The following ZNF324B variants were observed in gnomAD, a reference collection of about 807,000 sequenced individuals.
The protein encoded by ZNF324B is zinc finger protein 324B.
ZNF324B carries 7 observed loss-of-function variants against 10.6 expected under a neutral mutation model. The ratio of observed to expected loss-of-function variants is 0.66; its 90% CI spans 0.38 to 1.24. The LOEUF (loss-of-function observed/expected upper bound fraction) is 1.24. ZNF324B is among the 50% of genes most tolerant of loss of function. The pLI is 0.02. For missense variants in ZNF324B, 640 were observed against 764.7 expected (o/e 0.84, Z 1.92); for synonymous variants, 316 against 321.0 (o/e 0.98, Z 0.17).
upstream of ZNF324B, among the ~76,000 whole-genome samples, chr19:58,446,887 T>C (rs2052830363): frequency 6.6e-6 from 1 of 151,490 alleles, no homozygotes; most frequent in Non-Finnish European, 1.5e-5. Flanking sequence ...TCTCCTTTTG[T>C]CTTTTCTTTT....
In ZNF324B at chr19:58,457,768, T is replaced by C. The variant is rs1232168048; in HGVS notation, c.*1189T>C. The C allele has an allele frequency of 6.6e-6, 1 of 152,092 alleles. No homozygotes were observed. The highest frequency in any genetic ancestry group is 1.9e-4 in the East Asian group (1 of 5,184). 9.4% of individuals were successfully genotyped at this position (152,092 alleles called of 1,614,324 possible). On this transcript the variant is annotated 3_prime_UTR_variant, in exon 4 of 4. Coordinates refer to ENST00000336614, the MANE Select transcript of ZNF324B (RefSeq NM_207395.3). ...TGAGACCTCACCTCCAAGAAATTAATGGTCTTTTCAATGGAGAAAAAAAAA... is the reference window on the plus strand; with the variant it reads ...TGAGACCTCACCTCCAAGAAATTAACGGTCTTTTCAATGGAGAAAAAAAAA...
chr19:58,420,482 A>C, the ZNF324B span, among the ~76,000 whole-genome samples: 1 of 151,062 alleles, frequency 6.6e-6, no homozygotes, highest in Non-Finnish European at 1.5e-5. Flanking sequence ...TAATGCCAGC[A>C]CTCTGGGATA....
At chr19:58,441,040 C>T in the ZNF324B span, 1 of 152,522 alleles carries the variant, frequency 6.6e-6, no homozygotes, top group Admixed American at 6.5e-5. Context: ...TTTGTTGAGA[C>T]GTGGAGGGTA....
At chr19:58,429,350 C>G in the ZNF324B span, 10 of 152,158 alleles carry the variant, frequency 6.6e-5, no homozygotes, top group East Asian at 1.7e-3. Context: ...TAGATGCAAA[C>G]AATGTCCATG....
chr19:58,426,577 T>C, the ZNF324B span, among the ~76,000 whole-genome samples: 6 of 152,294 alleles, frequency 3.9e-5, no homozygotes, highest in Admixed American at 3.9e-4. Flanking sequence ...AATCTGCTGC[T>C]CTTCAGATTT....
rs1051689833 is a variant in ZNF324B at position 58,456,659 on chromosome 19, T to G, written c.*80T>G. 2 of 1,482,850 alleles carry G rather than the reference T, an allele frequency of 1.3e-6. No homozygotes were observed. The highest frequency in any genetic ancestry group is 1.3e-5 in the South Asian group (1 of 76,890). The allele number at this position is 1,482,850 out of a possible 1,614,324, so 91.9% of individuals were successfully genotyped here. ...CTAAAGGGTCCGAGTGCTCTTCAGA[T>G]CCACGATGGGGAAAAGCTCTGTGCC... On this transcript the variant is annotated 3_prime_UTR_variant, in exon 4 of 4. Coordinates refer to ENST00000336614, the MANE Select transcript of ZNF324B (RefSeq NM_207395.3). This position sits in a 1 kb window ranked among gnomAD's most constrained non-coding sequence, Gnocchi z 4.7.
the ZNF324B span, among the ~76,000 whole-genome samples, chr19:58,424,573 G>A: frequency 1.3e-5 from 2 of 152,248 alleles, no homozygotes; most frequent in African/African-American, 2.4e-5. Flanking sequence ...AAATGAAAAA[G>A]ACAAACATAC....
At chr19:58,454,137 G>T (rs1170343100) in intron 2 of ZNF324B, 91 bp from the exon 3 acceptor site, 6 of 854,764 alleles carry the variant, frequency 7.0e-6, no homozygotes, top group Non-Finnish European at 1.2e-5. Context: ...ACAGATTACT[G>T]TCTATTTCCA....
chr19:58,420,500 G>A, the ZNF324B span, among the ~76,000 whole-genome samples: 1 of 145,626 alleles, frequency 6.9e-6, no homozygotes, highest in African/African-American at 2.6e-5. Context: ...ATACTGAGGT[G>A]GGAGGATCGC....
chr19:58,444,777 A>C, the ZNF324B span: 1 of 152,300 alleles, frequency 6.6e-6, no homozygotes, highest in East Asian at 1.9e-4. Context: ...TTGCAAGTGT[A>C]TTATGAGCAT....
At chr19:58,446,059 T>G in the ZNF324B span, among the ~76,000 whole-genome samples, 1 of 152,176 alleles carries the variant, frequency 6.6e-6, no homozygotes, top group Non-Finnish European at 1.5e-5. Context: ...CACTTGATCC[T>G]GGAAGGCGGA....
Position 58,455,144 on chromosome 19 carries a change from C to A in ZNF324B, c.239-39C>A, listed in dbSNP as rs777857043. On this transcript the variant is annotated intron_variant, in intron 3 of 3. Coordinates refer to ENST00000336614, the MANE Select transcript of ZNF324B (RefSeq NM_207395.3). The surrounding 1 kb of genome is among the most constrained non-coding windows in gnomAD (Gnocchi z 7.0). ...TCAGCCTGCCCTGGTCCTCTCCTAA[C>A]CAGGATGCCCCAGGCAACCACCGTT... The A allele has an allele frequency of 1.5e-4, 236 of 1,612,996 alleles. No individual in the cohort carries two copies. The highest frequency in any genetic ancestry group is 1.9e-4 in the Non-Finnish European group (219 of 1,179,528).
Position 58,454,567 on chromosome 19 carries a change from G to A in ZNF324B, c.238+223G>A, listed in dbSNP as rs997167868. On this transcript the variant is annotated intron_variant, in intron 3 of 3. Transcript: ENST00000336614. ...GTTCACACAGAAGGGCCTACCTTCA[G>A]CTGGGCTGTGTGGCCTTGAACCCTC... The A allele has an allele frequency of 1.9e-5, 11 of 583,044 alleles. No individual in the cohort carries two copies. In the African/African-American group the frequency reaches 2.0e-4, roughly 11 times the overall value. 36.1% of individuals were successfully genotyped at this position (583,044 alleles called of 1,614,324 possible).
At chr19:58,425,195 G>A in the ZNF324B span, among the ~76,000 whole-genome samples, 2 of 151,894 alleles carry the variant, frequency 1.3e-5, no homozygotes, top group East Asian at 1.9e-4. Context: ...GGTGGAGCTT[G>A]CCGTGAGCCG....
At chr19:58,418,568 A>G in the ZNF324B span, 1 of 151,502 alleles carries the variant, frequency 6.6e-6, no homozygotes, top group East Asian at 2.0e-4. Flanking sequence ...GCCTCAAGCT[A>G]TCCTCCTGCC....
In ZNF324B at chr19:58,456,117, C is replaced by T. The variant is rs2052917621; in HGVS notation, c.1173C>T (p.His391=). ...ACCTGATCCAGCACGAGCGTACGCACACAGGCGAGAAGCCCTTCGTATGCG... is the reference window on the plus strand; with the variant it reads ...ACCTGATCCAGCACGAGCGTACGCATACAGGCGAGAAGCCCTTCGTATGCG... ...NSHLIQHERT[H]TGEKPFVCAL... The change falls in exon 4 of 4, where the codon CAC becomes CAT. Residue 391 remains histidine, a synonymous_variant. Transcript: ENST00000336614. The surrounding 1 kb of genome is among the most constrained non-coding windows in gnomAD (Gnocchi z 4.7). The T allele has an allele frequency of 6.2e-7, 1 of 1,613,382 alleles. No individual in the cohort carries two copies. Among genetic ancestry groups the T allele is most frequent in the Non-Finnish European group, 8.5e-7 (1 of 1,179,872 alleles).
At chr19:58,447,555 T>A (rs2052833458), upstream of ZNF324B, among the ~76,000 whole-genome samples, 1 of 152,192 alleles carries the variant, frequency 6.6e-6, no homozygotes, top group African/African-American at 2.4e-5. Flanking sequence ...GTTTAAGAAG[T>A]TAAACGTCTC....
At chr19:58,430,689 T>C in the ZNF324B span, 1 of 152,252 alleles carries the variant, frequency 6.6e-6, no homozygotes, top group Non-Finnish European at 1.5e-5. Flanking sequence ...CTACTGTGAA[T>C]TTTTTGGTTA....
the ZNF324B span, among the ~76,000 whole-genome samples, chr19:58,439,472 T>G: frequency 3.3e-5 from 5 of 152,234 alleles, no homozygotes; most frequent in Non-Finnish European, 5.9e-5. Flanking sequence ...CCCAGAATGC[T>G]TCCATTTCAT....
Sources: allele counts gnomAD v4.1 joint callset (sites outside exome capture counted in the v4.1 genomes callset), GRCh38; gene constraint gnomAD v4.1.1; non-coding constraint Gnocchi (gnomAD v3.1); transcripts MANE v1.5; gene names NCBI Gene and HGNC (gene_info 2026-07-23, HGNC 2026-07-21).